GRID2: variants seen among roughly 807,000 people sequenced by gnomAD.
The protein encoded by GRID2 is glutamate receptor ionotropic, delta-2.
A neutral mutation model predicts 114.8 loss-of-function variants in GRID2; 33 were observed. That is an observed-to-expected ratio of 0.29 (90% confidence interval 0.22 to 0.38). The LOEUF (loss-of-function observed/expected upper bound fraction) is 0.38, where lower values mean the gene tolerates loss of function less well. Among genes scored for constraint, GRID2 ranks in the 10% least tolerant of loss-of-function variants. GRID2 has a pLI of 1.00. For synonymous variants in GRID2, 505 were observed against 449.9 expected (o/e 1.12, Z -1.55); for missense variants, 1,184 against 1,257.7 (o/e 0.94, Z 0.89).
intron 2 of GRID2, among the ~76,000 whole-genome samples, chr4:92,945,362 A>T (rs1453106765): frequency 6.6e-6 from 1 of 152,158 alleles, no homozygotes; most frequent in African/African-American, 2.4e-5. Context: ...AACCATTTCA[A>T]TGTGTCTTTG....
At chr4:92,625,755 G>A (rs1730492039) in intron 2 of GRID2, among the ~76,000 whole-genome samples, 1 of 151,822 alleles carries the variant, frequency 6.6e-6, no homozygotes, top group Non-Finnish European at 1.5e-5. Context: ...TGATTCTTAT[G>A]CTAGCCTATA....
At chr4:93,094,996 T>C (rs536720174) in intron 3 of GRID2, among the ~76,000 whole-genome samples, 1 of 151,654 alleles carries the variant, frequency 6.6e-6, no homozygotes, top group African/African-American at 2.4e-5. Flanking sequence ...TAAGACTATA[T>C]TAAACACAAA....
intron 1 of GRID2, among the ~76,000 whole-genome samples, chr4:92,412,990 C>G (rs950930588): frequency 6.6e-6 from 1 of 152,146 alleles, no homozygotes; most frequent in Middle Eastern, 3.2e-3. Context: ...TTACCAGATA[C>G]ATGTGTGCAT....
intron 1 of GRID2, among the ~76,000 whole-genome samples, chr4:92,548,594 A>T (rs1340690165): frequency 2.0e-5 from 3 of 151,314 alleles, no homozygotes; most frequent in African/African-American, 7.3e-5. Context: ...GGTTTTCACC[A>T]TGTTGGCCAG....
rs564962353 is a variant in GRID2, at chr4:92,774,736, C to T, written c.244+184450C>T. 1.3e-3 allele frequency among the ~76,000 whole-genome samples: 193 copies of T among 151,494 alleles called. 1 individual carries two copies. The highest frequency in any genetic ancestry group is 4.4e-3 in the African/African-American group (179 of 40,992). ...TCAGCCTCCTAAATAGCTGGGACTA[C>T]AGGCTCACACCACCATGCAAGGCTA... On this transcript the variant is annotated intron_variant, in intron 2 of 15. Transcript: ENST00000282020.
At chr4:92,502,462 G>A (rs1723732071) in intron 1 of GRID2, among the ~76,000 whole-genome samples, 1 of 151,846 alleles carries the variant, frequency 6.6e-6, no homozygotes, top group African/African-American at 2.4e-5. Context: ...ATGTTTCAAG[G>A]TAGTTTGATT....
At chr4:92,367,810 A>G (rs2110212581) in intron 1 of GRID2, among the ~76,000 whole-genome samples, 1 of 152,258 alleles carries the variant, frequency 6.6e-6, no homozygotes, top group African/African-American at 2.4e-5. Flanking sequence ...GTTAACTACT[A>G]GCATCATTAC....
chr4:93,095,117 C>A (rs1043672709), intron 3 of GRID2, among the ~76,000 whole-genome samples: 1 of 151,706 alleles, frequency 6.6e-6, no homozygotes, highest in Non-Finnish European at 1.5e-5. Context: ...ACTAGCAAGA[C>A]CATTTTTAAT....
intron 2 of GRID2, among the ~76,000 whole-genome samples, chr4:92,983,565 T>C (rs59422631): frequency 6.8e-6 from 1 of 146,126 alleles, no homozygotes; most frequent in Non-Finnish European, 1.5e-5. Flanking sequence ...TATAAACATA[T>C]AGTATATGAT....
At chr4:92,739,189 C>T (rs1399475547) in intron 2 of GRID2, among the ~76,000 whole-genome samples, 1 of 152,076 alleles carries the variant, frequency 6.6e-6, no homozygotes, top group Non-Finnish European at 1.5e-5. Flanking sequence ...TCAAGTTACC[C>T]TAGAACATGA....
At chr4:93,583,834 C>T (rs768787317) in intron 13 of GRID2, among the ~76,000 whole-genome samples, 21 of 152,256 alleles carry the variant, frequency 1.4e-4, no homozygotes, top group Non-Finnish European at 2.5e-4. Context: ...AATACATAGC[C>T]TTCAAGCTTT....
intron 14 of GRID2, among the ~76,000 whole-genome samples, chr4:93,695,745 A>G (rs1048455275): frequency 7.2e-5 from 11 of 152,230 alleles, no homozygotes; most frequent in South Asian, 4.1e-4. Flanking sequence ...TGGGACTAGA[A>G]GAGTGTCCAC....
At chr4:92,611,288 A>G (rs1315203894) in intron 2 of GRID2, among the ~76,000 whole-genome samples, 1 of 151,352 alleles carries the variant, frequency 6.6e-6, no homozygotes, top group Non-Finnish European at 1.5e-5. Context: ...GCCAGGTTGA[A>G]GTCTGTTGAG....
chr4:92,535,332 CA>C (rs1473000690), intron 1 of GRID2, among the ~76,000 whole-genome samples: 1 of 152,096 alleles, frequency 6.6e-6, no homozygotes, highest in Non-Finnish European at 1.5e-5. Context: ...TTCTTATAAA[CA>C]TTTCTCTTTG....
chr4:92,642,755 T>G (rs1461416690), intron 2 of GRID2, among the ~76,000 whole-genome samples: 2 of 151,832 alleles, frequency 1.3e-5, no homozygotes, highest in Non-Finnish European at 2.9e-5. Flanking sequence ...TAAGGAAATT[T>G]CCTAGGTTTT....
chr4:93,523,233 A>G (rs1730509250), intron 13 of GRID2, among the ~76,000 whole-genome samples: 2 of 152,192 alleles, frequency 1.3e-5, no homozygotes, highest in African/African-American at 4.8e-5. Context: ...AGATAAGTAC[A>G]TTCTACTTAG....
intron 1 of GRID2, among the ~76,000 whole-genome samples, chr4:92,430,523 A>G (rs565546813): frequency 8.5e-5 from 13 of 152,168 alleles, no homozygotes; most frequent in African/African-American, 3.1e-4. Context: ...CTGTAGTATT[A>G]TTTAAAGTCA....
At chr4:93,085,699 TAAATG>T (rs938742704) in intron 3 of GRID2, among the ~76,000 whole-genome samples, 4 of 152,190 alleles carry the variant, frequency 2.6e-5, no homozygotes, top group African/African-American at 9.6e-5. Context: ...ATTATTTGGC[TAAATG>T]AAATCTGAAA....
intron 14 of GRID2, among the ~76,000 whole-genome samples, chr4:93,746,876 A>G (rs1164826913): frequency 6.6e-6 from 1 of 152,036 alleles, no homozygotes; most frequent in East Asian, 1.9e-4. Flanking sequence ...AAAATTCCCT[A>G]AGAAATTAAC....
Sources: gnomAD v4.1 joint callset for allele counts (sites outside exome capture counted in the v4.1 genomes callset) on GRCh38, gnomAD v4.1.1 for gene constraint, MANE v1.5 for transcripts, NCBI Gene and HGNC (gene_info 2026-07-23, HGNC 2026-07-21) for gene names.